TAF10: variants seen among roughly 807,000 people sequenced by gnomAD.
The protein encoded by TAF10 is transcription initiation factor TFIID subunit 10.
In TAF10, 2 loss-of-function variants were observed where a neutral mutation model predicts 18.1. The ratio of observed to expected loss-of-function variants is 0.11; its 90% CI spans 0.05 to 0.35. The LOEUF is 0.35. Among genes scored for constraint, TAF10 ranks in the 10% least tolerant of loss-of-function variants. TAF10 has a pLI of 1.00. For missense variants in TAF10, 293 were observed against 306.9 expected, an observed-to-expected ratio of 0.95 and a Z score of 0.34; for synonymous variants, 158 against 134.6, an observed-to-expected ratio of 1.17 and a Z score of -1.20.
chr11:6,608,300 G>A lies in TAF10; in HGVS notation c.*2622C>T, dbSNP rs2048092. On this transcript the variant is annotated 3_prime_UTR_variant, in exon 5 of 5. Transcript: ENST00000299424. The surrounding 1 kb of genome is among the most constrained non-coding windows in gnomAD (Gnocchi z 4.9). Reference sequence around the variant, plus strand: ...GTAACATACAGTAGAAAGCATGTGTGCTCTTCCCCCTTTTCCCATGCCCTG... The same window carrying A: ...GTAACATACAGTAGAAAGCATGTGTACTCTTCCCCCTTTTCCCATGCCCTG... 0.51 allele frequency: 791,268 copies of A among 1,560,656 alleles called. 202,421 individuals carry two copies. Among genetic ancestry groups the A allele is most frequent in the African/African-American group, 0.55 (40,363 of 73,790 alleles).
Position 6,611,945 on chromosome 11 carries a change from T to TCCCGGCCCTCACCCGC in TAF10, c.229_232+12dup. 6.4e-7 allele frequency: 1 copy of TCCCGGCCCTCACCCGC among 1,573,516 alleles called. No individual in the cohort carries two copies. The highest frequency in any genetic ancestry group is 8.6e-7 in the Non-Finnish European group (1 of 1,167,240). On this transcript the variant is annotated intron_variant, in intron 1 of 4. Transcript: ENST00000299424. Reference sequence around the variant, plus strand: ...AAGACGCTTCCCTCGCCCTCACCCGTCCCGGCCCTCACCCGCCCCACGCCG... The same window carrying TCCCGGCCCTCACCCGC: ...AAGACGCTTCCCTCGCCCTCACCCGTCCCGGCCCTCACCCGCCCCGGCCCTCACCCGCCCCACGCCG...
In TAF10 at chr11:6,607,918, C is replaced by A; in HGVS notation, c.*3004G>T. ...AATGGACAGCTTTGGGAGTTGCTGG[C>A]ATGAATGAGAATCAAAGTCCTAGAG... On this transcript the variant is annotated 3_prime_UTR_variant, in exon 5 of 5. Coordinates refer to ENST00000299424, the MANE Select transcript of TAF10 (RefSeq NM_006284.4). 1 of 958,438 alleles carries A rather than the reference C, an allele frequency of 1.0e-6. No homozygotes were observed. The highest frequency in any genetic ancestry group is 1.6e-6 in the Non-Finnish European group (1 of 623,230). 59.4% of individuals were successfully genotyped at this position (958,438 alleles called of 1,614,324 possible).
Position 6,609,192 on chromosome 11 carries a change from C to T in TAF10, c.*1730G>A, listed in dbSNP as rs1275052976. On this transcript the variant is annotated 3_prime_UTR_variant, in exon 5 of 5. Coordinates refer to ENST00000299424, the MANE Select transcript of TAF10 (RefSeq NM_006284.4). ...CCCTTCTTGCCCTTCCCTCACTAAA[C>T]CCCCATAAATTACTTGCTTTGTACC... The T allele has an allele frequency of 1.3e-6, 2 of 1,599,304 alleles. No individual in the cohort carries two copies. The highest frequency in any genetic ancestry group is 3.3e-5 in the Admixed American group (2 of 60,018).
In TAF10 at chr11:6,610,457, C is replaced by T. The variant is rs755264665; in HGVS notation, c.*465G>A. 8.1e-6 allele frequency: 13 copies of T among 1,614,150 alleles called. No individual in the cohort carries two copies. In the Middle Eastern group the frequency reaches 5.0e-4, roughly 61 times the overall value. On this transcript the variant is annotated 3_prime_UTR_variant, in exon 5 of 5. Coordinates refer to ENST00000299424, the MANE Select transcript of TAF10 (RefSeq NM_006284.4). ...GTGAGGCTGCTTTTTTTCTTGTATT[C>T]GCAGGTGGCATTGGAAGGCCTTCGG... is the stretch of plus-strand genomic sequence containing the variant.
Position 6,611,820 on chromosome 11 carries a change from TG to T in TAF10, c.233-3del. ...CCGCGCCACCCGCCGACACCGGAGC[TG>T]GAGGAGAACCAGCAAAATGAGACAC... On this transcript the variant is annotated splice_region_variant and splice_polypyrimidine_tract_variant and intron_variant, in intron 1 of 4. Transcript: ENST00000299424. The T allele has an allele frequency of 1.2e-6, 2 of 1,604,658 alleles. No homozygotes were observed. Among genetic ancestry groups the T allele is most frequent in the Non-Finnish European group, 1.7e-6 (2 of 1,175,286 alleles).
Position 6,610,130 on chromosome 11 carries a change from C to T in TAF10, c.*792G>A, listed in dbSNP as rs111833028. The T allele has an allele frequency of 8.7e-3, 14,090 of 1,614,196 alleles. 232 individuals carry two copies. Among genetic ancestry groups the T allele is most frequent in the South Asian group, 0.053 (4,811 of 91,088 alleles). ...GGACAGGCAAGGGGGCCAGAACAGA[C>T]AAGCCCTATCTCTCCAGCTCTGCAG... On this transcript the variant is annotated 3_prime_UTR_variant, in exon 5 of 5. Transcript: ENST00000299424.
chr11:6,608,267 C>T lies in TAF10; in HGVS notation c.*2655G>A. ...ACATACATGCCATGAGGGTCAGTCA[C>T]AGGCACTGTAACATACAGTAGAAAG... On this transcript the variant is annotated 3_prime_UTR_variant, in exon 5 of 5. Coordinates refer to ENST00000299424, the MANE Select transcript of TAF10 (RefSeq NM_006284.4). The surrounding 1 kb of genome is among the most constrained non-coding windows in gnomAD (Gnocchi z 4.9). 2 of 1,596,874 alleles carry T rather than the reference C, an allele frequency of 1.3e-6. No individual in the cohort carries two copies. The highest frequency in any genetic ancestry group is 8.6e-7 in the Non-Finnish European group (1 of 1,164,240).
In TAF10 at chr11:6,609,482, T is replaced by C. The variant is rs773081068; in HGVS notation, c.*1440A>G. On this transcript the variant is annotated 3_prime_UTR_variant, in exon 5 of 5. Coordinates refer to ENST00000299424, the MANE Select transcript of TAF10 (RefSeq NM_006284.4). ...TAGCACTGAAAGAGATCTTTTGTAC[T>C]GGGTCTCAACCACTCCCTCCCTCTT... 15 of 1,614,008 alleles carry C rather than the reference T, an allele frequency of 9.3e-6. No individual in the cohort carries two copies. In the South Asian group the frequency reaches 1.6e-4, roughly 18 times the overall value.
chr11:6,611,638 G>T (rs1173238327), intron 2 of TAF10, 26 bp downstream of exon 2: 1 of 1,577,654 alleles, frequency 6.3e-7, no homozygotes, highest in Admixed American at 1.8e-5. Flanking sequence ...AGCAGGCTAG[G>T]TGGCCTTGTT....
Position 6,608,007 on chromosome 11 carries a change from C to T in TAF10, c.*2915G>A. 1 of 1,609,590 alleles carries T rather than the reference C, an allele frequency of 6.2e-7. No homozygotes were observed. Among genetic ancestry groups the T allele is most frequent in the Non-Finnish European group, 8.5e-7 (1 of 1,176,986 alleles). On this transcript the variant is annotated 3_prime_UTR_variant, in exon 5 of 5. Coordinates refer to ENST00000299424, the MANE Select transcript of TAF10 (RefSeq NM_006284.4). This position sits in a 1 kb window ranked among gnomAD's most constrained non-coding sequence, Gnocchi z 4.9. ...TCAGGAATCAAAACCTTTGCCCCAT[C>T]CCACCTCCAGCTCAATGACCATTGC...
rs1855163073 is a variant in TAF10, at chr11:6,608,442, G to A, written c.*2480C>T. On this transcript the variant is annotated 3_prime_UTR_variant, in exon 5 of 5. Coordinates refer to ENST00000299424, the MANE Select transcript of TAF10 (RefSeq NM_006284.4). The surrounding 1 kb of genome is among the most constrained non-coding windows in gnomAD (Gnocchi z 4.9). ...CAATGCAGTGAATGAACACGGGAAT[G>A]TGCCCCTGCACTATGCCTGTTTTTG... 3.1e-6 allele frequency: 5 copies of A among 1,614,116 alleles called. No individual in the cohort carries two copies. Among genetic ancestry groups the A allele is most frequent in the East Asian group, 2.2e-5 (1 of 44,900 alleles).
In TAF10 at chr11:6,606,508, T is replaced by C. The variant is rs561459061; in HGVS notation, c.*4414A>G. The C allele has an allele frequency of 2.0e-5, 3 of 152,282 alleles. No individual in the cohort carries two copies. Among genetic ancestry groups the C allele is most frequent in the African/African-American group, 7.2e-5 (3 of 41,558 alleles). 9.4% of individuals were successfully genotyped at this position (152,282 alleles called of 1,614,324 possible). ...GACAGTAAGCACTGTTACTGTTTTG[T>C]TGGTGAGGAAATAGAGGCTTAGGCA... On this transcript the variant is annotated 3_prime_UTR_variant, in exon 5 of 5. Transcript: ENST00000299424.
Position 6,609,574 on chromosome 11 carries a change from A to G in TAF10, c.*1348T>C. ...GCCTGCCAGTCTCCACCTGCTCCTC[A>G]TCCTACTCTCATCACACACTGGATG... On this transcript the variant is annotated 3_prime_UTR_variant, in exon 5 of 5. Transcript: ENST00000299424. 6.2e-7 allele frequency: 1 copy of G among 1,614,074 alleles called. No individual in the cohort carries two copies. The highest frequency in any genetic ancestry group is 8.5e-7 in the Non-Finnish European group (1 of 1,179,988).
Position 6,609,038 on chromosome 11 carries a change from G to A in TAF10, c.*1884C>T. On this transcript the variant is annotated 3_prime_UTR_variant, in exon 5 of 5. Transcript: ENST00000299424. Reference sequence around the variant, plus strand: ...TGGCCTCTTGGGGCTGGGTTAGGGTGAAGCTGGGTACCTGACCTGCCCACA... The same window carrying A: ...TGGCCTCTTGGGGCTGGGTTAGGGTAAAGCTGGGTACCTGACCTGCCCACA... 1 of 1,612,066 alleles carries A rather than the reference G, an allele frequency of 6.2e-7. No individual in the cohort carries two copies.
Position 6,610,252 on chromosome 11 carries a change from C to T in TAF10, c.*670G>A. 2 of 1,614,200 alleles carry T rather than the reference C, an allele frequency of 1.2e-6. No individual in the cohort carries two copies. Among genetic ancestry groups the T allele is most frequent in the Non-Finnish European group, 1.7e-6 (2 of 1,180,034 alleles). ...GACACGGGAGGTACCCTTTGCTGAC[C>T]TCTCCAATATGGAGATTGGAATGAA... is the stretch of plus-strand genomic sequence containing the variant. On this transcript the variant is annotated 3_prime_UTR_variant, in exon 5 of 5. Transcript: ENST00000299424.
chr11:6,611,102 T>C lies in TAF10; in HGVS notation c.567+87A>G, dbSNP rs1233687859. ...CCCTGAGTAAGTCTTACACCTCCCC[T>C]ACGATTCAGTTTCCCCAAAGGGGTG... On this transcript the variant is annotated intron_variant, in intron 4 of 4. Coordinates refer to ENST00000299424, the MANE Select transcript of TAF10 (RefSeq NM_006284.4). 4.4e-6 allele frequency: 7 copies of C among 1,587,462 alleles called. No individual in the cohort carries two copies. In the African/African-American group the frequency reaches 8.1e-5, roughly 18 times the overall value.
In TAF10 at chr11:6,610,812, G is replaced by A; in HGVS notation, c.*110C>T. The A allele has an allele frequency of 2.2e-6, 3 of 1,394,020 alleles. No individual in the cohort carries two copies. Among genetic ancestry groups the A allele is most frequent in the South Asian group, 2.4e-5 (2 of 83,236 alleles). The allele number at this position is 1,394,020 out of a possible 1,614,324, so 86.4% of individuals were successfully genotyped here. A position where few individuals can be genotyped will look rare whatever the true frequency, so the allele number is the denominator to read the frequency against. ...TCAGAGCTTTGTCACTTGCCACATG[G>A]TGTCTCCCAACATGGGAGGGATCAG... On this transcript the variant is annotated 3_prime_UTR_variant, in exon 5 of 5. Coordinates refer to ENST00000299424, the MANE Select transcript of TAF10 (RefSeq NM_006284.4).
Position 6,609,561 on chromosome 11 carries a change from C to T in TAF10, c.*1361G>A, listed in dbSNP as rs750354350. On this transcript the variant is annotated 3_prime_UTR_variant, in exon 5 of 5. Coordinates refer to ENST00000299424, the MANE Select transcript of TAF10 (RefSeq NM_006284.4). ...CCCAGTGCTAGGTGCCTGCCAGTCTCCACCTGCTCCTCATCCTACTCTCAT... is the reference window on the plus strand; with the variant it reads ...CCCAGTGCTAGGTGCCTGCCAGTCTTCACCTGCTCCTCATCCTACTCTCAT... 6.9e-5 allele frequency: 112 copies of T among 1,613,990 alleles called. No individual in the cohort carries two copies. The highest frequency in any genetic ancestry group is 9.2e-5 in the Non-Finnish European group (109 of 1,180,000).
Position 6,608,317 on chromosome 11 carries a change from C to T in TAF10, c.*2605G>A, listed in dbSNP as rs1855148508. The T allele has an allele frequency of 6.4e-7, 1 of 1,566,722 alleles. No homozygotes were observed. The highest frequency in any genetic ancestry group is 8.8e-7 in the Non-Finnish European group (1 of 1,137,072). On this transcript the variant is annotated 3_prime_UTR_variant, in exon 5 of 5. Transcript: ENST00000299424. This position sits in a 1 kb window ranked among gnomAD's most constrained non-coding sequence, Gnocchi z 4.9. ...GCATGTGTGCTCTTCCCCCTTTTCC[C>T]ATGCCCTGACACCAGTATCTCATTT...
Sources: allele counts gnomAD v4.1 joint callset, GRCh38; gene constraint gnomAD v4.1.1; non-coding constraint Gnocchi (gnomAD v3.1); transcripts MANE v1.5; gene names NCBI Gene and HGNC (gene_info 2026-07-23, HGNC 2026-07-21).